Variants in KCTD20 observed in about 807,000 individuals in gnomAD.
The protein encoded by KCTD20 is BTB/POZ domain-containing protein KCTD20.
In KCTD20, 30 loss-of-function variants were observed where a neutral mutation model predicts 39.6. That is an observed-to-expected ratio of 0.76 (90% confidence interval 0.57 to 1.03). The LOEUF (loss-of-function observed/expected upper bound fraction) is 1.03, where lower values mean the gene tolerates loss of function less well. Among genes scored for constraint, KCTD20 ranks in the 50% least tolerant of loss-of-function variants. The probability of loss-of-function intolerance (pLI) is 0.00; values close to 1 mark genes in which losing one functional copy is unlikely to be tolerated. For missense variants in KCTD20, 422 were observed against 522.0 expected, an observed-to-expected ratio of 0.81 and a Z score of 1.87; for synonymous variants, 162 against 180.6, an observed-to-expected ratio of 0.90 and a Z score of 0.83.
chr6:36,477,583 C>T (rs372620981), intron 3 of KCTD20, among the ~76,000 whole-genome samples: 1 of 150,844 alleles, frequency 6.6e-6, no homozygotes, highest in South Asian at 2.1e-4. Flanking sequence ...CGGGTTCAGC[C>T]ATTCTCCTGC....
intron 2 of KCTD20, among the ~76,000 whole-genome samples, chr6:36,472,438 C>T (rs903845359): frequency 6.6e-6 from 1 of 152,132 alleles, no homozygotes; most frequent in Admixed American, 6.5e-5. Flanking sequence ...TGTAGGAAAT[C>T]AGACTAATTT....
rs1003249 is a variant in KCTD20, at chr6:36,469,781, A to T, written c.-46-271A>T. Among the ~76,000 whole-genome samples, 42,215 of 152,126 alleles carry T rather than the reference A, an allele frequency of 0.28. 6,787 individuals are homozygous for T. Among genetic ancestry groups the T allele is most frequent in the African/African-American group, 0.44 (18,200 of 41,484 alleles). The stretch of plus-strand genomic sequence containing the variant: ...CCACCATTTAATGTAGAATTGATCA[A>T]GAATGTGACCAAAGTCAGTGAATTT... On this transcript the variant is annotated intron_variant, in intron 1 of 7. Transcript: ENST00000373731. The surrounding 1 kb of genome is among the most constrained non-coding windows in gnomAD (Gnocchi z 4.6).
intron 2 of KCTD20, 28 bp from the exon 3 acceptor site, chr6:36,474,761 G>A: frequency 6.5e-7 from 1 of 1,529,080 alleles, no homozygotes; most frequent in Non-Finnish European, 8.8e-7. Context: ...CTCTCAAGTT[G>A]TTTTGGTTTC....
chr6:36,451,245 A>T (rs1775244531), intron 1 of KCTD20: 1 of 152,198 alleles, frequency 6.6e-6, no homozygotes, highest in Admixed American at 6.5e-5. Flanking sequence ...CAATGATTCC[A>T]ATGTTTTCTT....
chr6:36,461,231 A>G (rs570054870), intron 1 of KCTD20, among the ~76,000 whole-genome samples: 2 of 152,314 alleles, frequency 1.3e-5, no homozygotes, highest in South Asian at 4.1e-4. Flanking sequence ...CTAAGTTTGA[A>G]AAGTGTTGTA....
At chr6:36,455,023 G>T (rs528050504) in intron 1 of KCTD20, among the ~76,000 whole-genome samples, 1 of 152,272 alleles carries the variant, frequency 6.6e-6, no homozygotes, top group African/African-American at 2.4e-5. Flanking sequence ...TGGAAAACCT[G>T]GGGTATTTCA....
intron 6 of KCTD20, among the ~76,000 whole-genome samples, chr6:36,483,882 G>C (rs1776338265): frequency 6.6e-6 from 1 of 151,494 alleles, no homozygotes. Flanking sequence ...AAAAACGGCA[G>C]AATCTCATGA....
intron 1 of KCTD20, among the ~76,000 whole-genome samples, chr6:36,453,069 G>A (rs1037404801): frequency 1.4e-5 from 2 of 145,610 alleles, no homozygotes; most frequent in Admixed American, 7.0e-5. Flanking sequence ...GTGCAGTGGC[G>A]CGATCTTGGC....
chr6:36,474,873 G>C lies in KCTD20; in HGVS notation c.245G>C (p.Cys82Ser), dbSNP rs1475885224. 6.2e-7 allele frequency: 1 copy of C among 1,613,992 alleles called. No homozygotes were observed. Among genetic ancestry groups the C allele is most frequent in the African/African-American group, 1.3e-5 (1 of 74,892 alleles). Residue 82 changes from cysteine to serine, a missense_variant, in exon 3 of 8, where the codon TGC becomes TCC. Physicochemically the swap from Cys to Ser is moderately radical, Grantham distance 112. Coordinates refer to ENST00000373731, the MANE Select transcript of KCTD20 (RefSeq NM_173562.5). The stretch of plus-strand genomic sequence containing the variant: ...CTTGCTGAAGACATCAAAGGTTCTT[G>C]CTTCCAAAGTGGGAATAAACGGAAC... ...MPLAEDIKGS[C>S]FQSGNKRNHE...
At chr6:36,456,590 T>C (rs994111179) in intron 1 of KCTD20, among the ~76,000 whole-genome samples, 1 of 149,834 alleles carries the variant, frequency 6.7e-6, no homozygotes, top group East Asian at 1.9e-4. Flanking sequence ...TTTTTTTTTT[T>C]TTTTTTTTTT....
At chr6:36,456,642 T>C (rs1408410914) in intron 1 of KCTD20, among the ~76,000 whole-genome samples, 1 of 148,144 alleles carries the variant, frequency 6.8e-6, no homozygotes, top group Non-Finnish European at 1.5e-5. Context: ...CGGTGGCATA[T>C]AGTGGTGCTA....
chr6:36,470,521 T>C (rs1336239707), intron 2 of KCTD20, among the ~76,000 whole-genome samples: 1 of 152,226 alleles, frequency 6.6e-6, no homozygotes, highest in Non-Finnish European at 1.5e-5. Context: ...ATTCAACTTC[T>C]AGCTCAGCTG....
chr6:36,470,397 C>A (rs1485176913), intron 2 of KCTD20, 140 bp downstream of exon 2: 1 of 745,400 alleles, frequency 1.3e-6, no homozygotes. Flanking sequence ...TTACATAAAG[C>A]TGACCTTCAC....
chr6:36,487,984 A>C lies in KCTD20; in HGVS notation c.*809A>C, dbSNP rs1178682016. 1 of 152,248 alleles carries C rather than the reference A, an allele frequency of 6.6e-6. No individual in the cohort carries two copies. The highest frequency in any genetic ancestry group is 1.9e-4 in the East Asian group (1 of 5,206). 9.4% of individuals were successfully genotyped at this position (152,248 alleles called of 1,614,324 possible). The stretch of plus-strand genomic sequence containing the variant: ...AATCTGGTGTGAAACCATAGGTCTT[A>C]ACACTCTGGAGCAGCACATTGCTGT... On this transcript the variant is annotated 3_prime_UTR_variant, in exon 8 of 8. Coordinates refer to ENST00000373731, the MANE Select transcript of KCTD20 (RefSeq NM_173562.5).
At chr6:36,446,152 G>A (rs536302669) in intron 1 of KCTD20, among the ~76,000 whole-genome samples, 10 of 150,478 alleles carry the variant, frequency 6.6e-5, no homozygotes, top group Admixed American at 6.7e-5. Context: ...TCAGCCTCCC[G>A]AGTAGCTGGG....
chr6:36,470,430 C>A (rs1582343540), intron 2 of KCTD20, among the ~76,000 whole-genome samples, 173 bp downstream of exon 2: 1 of 152,134 alleles, frequency 6.6e-6, no homozygotes, highest in Admixed American at 6.5e-5. Flanking sequence ...CTTATTTAAT[C>A]AGTCTAGCAC....
chr6:36,485,488 C>CTTTTTTTTT, intron 7 of KCTD20, among the ~76,000 whole-genome samples: 1 of 97,100 alleles, frequency 1.0e-5, no homozygotes, highest in Non-Finnish European at 2.0e-5. Context: ...TGGAGTGGAT[C>CTTTTTTTTT]TTTTTTTTTT....
At chr6:36,449,722 C>G (rs1174488058) in intron 1 of KCTD20, among the ~76,000 whole-genome samples, 1 of 152,116 alleles carries the variant, frequency 6.6e-6, no homozygotes, top group African/African-American at 2.4e-5. Context: ...TTTGAGGACT[C>G]CAGACATATT....
intron 1 of KCTD20, among the ~76,000 whole-genome samples, chr6:36,448,305 T>TATAC: frequency 6.6e-6 from 1 of 152,154 alleles, no homozygotes; most frequent in Admixed American, 6.6e-5. Flanking sequence ...TATACAAATG[T>TATAC]AAAATACCAT....
Sources: gnomAD v4.1 joint callset for allele counts (sites outside exome capture counted in the v4.1 genomes callset) on GRCh38, gnomAD v4.1.1 for gene constraint, Gnocchi (gnomAD v3.1) non-coding constraint, MANE v1.5 for transcripts, NCBI Gene and HGNC (gene_info 2026-07-23, HGNC 2026-07-21) for gene names.